SCAP: variants seen among roughly 807,000 people sequenced by gnomAD.
SCAP encodes the protein SREBF chaperone.
A neutral mutation model predicts 123.6 loss-of-function variants in SCAP; 65 were observed. The ratio of observed to expected loss-of-function variants is 0.53; its 90% CI spans 0.43 to 0.65. SCAP has a LOEUF of 0.65. Ranked by LOEUF, SCAP falls within the 30% of genes least tolerant of loss-of-function variation. SCAP has a pLI of 0.00. For synonymous variants in SCAP, 740 were observed against 726.3 expected, an observed-to-expected ratio of 1.02 and a Z score of -0.30; for missense variants, 1,398 against 1,712.5, an observed-to-expected ratio of 0.82 and a Z score of 3.24.
chr3:47,473,081 A>AAAAAAAAAAAAAAAAAAC, intron 1 of SCAP, among the ~76,000 whole-genome samples: 1 of 32,066 alleles, frequency 3.1e-5, no homozygotes, highest in African/African-American at 8.2e-5. Flanking sequence ...ACTCCATCTC[A>AAAAAAAAAAAAAAAAAAC]AAAAAAAAAA....
intron 2 of SCAP, among the ~76,000 whole-genome samples, chr3:47,442,118 C>A (rs1706831631): frequency 6.6e-6 from 1 of 152,102 alleles, no homozygotes; most frequent in African/African-American, 2.4e-5. Flanking sequence ...GCACTGAAAA[C>A]ATCTATAAAT....
At chr3:47,444,117 A>G (rs995011710) in intron 1 of SCAP, among the ~76,000 whole-genome samples, 2 of 152,222 alleles carry the variant, frequency 1.3e-5, no homozygotes, top group Non-Finnish European at 2.9e-5. Flanking sequence ...TTTCAAACAA[A>G]TAACATTAAA....
chr3:47,471,261 G>T (rs1314225538), intron 1 of SCAP, among the ~76,000 whole-genome samples: 2 of 151,986 alleles, frequency 1.3e-5, no homozygotes, highest in Admixed American at 1.3e-4. Flanking sequence ...AATAAAATAA[G>T]AATAAGAACA....
At chr3:47,470,810 C>T (rs1359012377) in intron 1 of SCAP, among the ~76,000 whole-genome samples, 4 of 152,130 alleles carry the variant, frequency 2.6e-5, no homozygotes, top group African/African-American at 9.6e-5. Context: ...TGCAGTGAGC[C>T]GAGATCGCAC....
At chr3:47,437,775 T>C (rs1706642853) in intron 2 of SCAP, among the ~76,000 whole-genome samples, 3 of 152,086 alleles carry the variant, frequency 2.0e-5, no homozygotes, top group Admixed American at 2.0e-4. Flanking sequence ...TGGATAATTG[T>C]TTTTAATTAA....
chr3:47,417,439 G>T lies in SCAP; in HGVS notation c.2835C>A (p.Ala945=), dbSNP rs1705639492. The change falls in exon 17 of 23, where the codon GCC becomes GCA. Residue 945 remains alanine, a synonymous_variant. Coordinates refer to ENST00000265565, the MANE Select transcript of SCAP (RefSeq NM_012235.4). The part of the protein sequence containing the change: ...PPSPGPVLSQ[A]PEDEGGSPEK... ...CGGGGGAGCCACCCTCGTCCTCAGG[G>T]GCCTGGGACAGCACCGGCCCAGGCG... 6.4e-7 allele frequency: 1 copy of T among 1,556,236 alleles called. No individual in the cohort carries two copies. Among genetic ancestry groups the T allele is most frequent in the Non-Finnish European group, 8.7e-7 (1 of 1,151,210 alleles).
In SCAP at chr3:47,424,048, G is replaced by A. The variant is rs1229506259; in HGVS notation, c.1038-3C>T. On this transcript the variant is annotated splice_polypyrimidine_tract_variant and splice_region_variant and intron_variant, in intron 8 of 22. Coordinates refer to ENST00000265565, the MANE Select transcript of SCAP (RefSeq NM_012235.4). Reference sequence around the variant, plus strand: ...CCACAAGGTAGGGGAAAATCTCGCTGGGGACAGAGAAGGAGAAGGTGAGGA... The same window carrying A: ...CCACAAGGTAGGGGAAAATCTCGCTAGGGACAGAGAAGGAGAAGGTGAGGA... 6.2e-7 allele frequency: 1 copy of A among 1,608,494 alleles called. No individual in the cohort carries two copies. Among genetic ancestry groups the A allele is most frequent in the Non-Finnish European group, 8.5e-7 (1 of 1,174,838 alleles).
At chr3:47,425,391 A>T in intron 8 of SCAP, 94 bp downstream of exon 8, 1 of 1,382,332 alleles carries the variant, frequency 7.2e-7, no homozygotes, top group Non-Finnish European at 9.8e-7. Context: ...ACGTGAGGTC[A>T]CAGCAAAGTC....
rs1705569746 is a variant in SCAP at position 47,416,357 on chromosome 3, A to G, written c.3056+765T>C. ...AGCCAACAGGCTTGCTGAGGAGGCC[A>G]AGCACGACAGAGGCAGGGAGAGCAG... On this transcript the variant is annotated intron_variant, in intron 18 of 22. Transcript: ENST00000265565. 2.0e-5 allele frequency among the ~76,000 whole-genome samples: 3 copies of G among 152,236 alleles called. 1 individual carries two copies. The South Asian group carries it at 6.2e-4, about 32-fold the overall frequency.
At position 47,449,208 on chromosome 3, in the gene SCAP, T is replaced by C. The variant is rs1361977583; in HGVS notation, c.-98-6117A>G. Among the ~76,000 whole-genome samples the C allele has an allele frequency of 1.0e-4, 6 of 59,564 alleles. 2 individuals carry two copies. Among genetic ancestry groups the C allele is most frequent in the African/African-American group, 2.8e-4 (6 of 21,178 alleles). The allele number at this position is 59,564 out of a possible 152,430, so 39.1% of individuals were successfully genotyped here. ...TTAGGGTCAGATGCACGTATGTTAG[T>C]TCTGAGGAACAGCCCAAGAGTTCAT... On this transcript the variant is annotated intron_variant, in intron 1 of 22. Transcript: ENST00000265565.
Position 47,417,170 on chromosome 3 carries a change from C to T in SCAP, c.3008G>A (p.Ser1003Asn). 6.2e-7 allele frequency: 1 copy of T among 1,613,092 alleles called. No homozygotes were observed. The highest frequency in any genetic ancestry group is 8.5e-7 in the Non-Finnish European group (1 of 1,180,010). ...DAIEGVLCCSSEEVSSGITAL... is the reference protein window; with the variant it reads ...DAIEGVLCCSNEEVSSGITAL... ...GGTAATGCCTGAGGAGACCTCCTCG[C>T]TGCTGCAGCACAGCACCCCTTCAAT... The change falls in exon 18 of 23, where the codon AGC (serine) becomes AAC (asparagine). Residue 1003 changes from serine (S) to asparagine (N), a missense_variant. Ser to Asn is a conservative substitution (Grantham distance 46). Transcript: ENST00000265565.
At chr3:47,466,597 C>T (rs531822651) in intron 1 of SCAP, among the ~76,000 whole-genome samples, 14 of 152,116 alleles carry the variant, frequency 9.2e-5, no homozygotes, top group East Asian at 5.8e-4. Flanking sequence ...GATAGTTACA[C>T]GCAAAAGTGA....
intron 4 of SCAP, 93 bp from the exon 5 acceptor site, chr3:47,427,760 GC>G: frequency 9.0e-7 from 1 of 1,117,222 alleles, no homozygotes; most frequent in Non-Finnish European, 1.3e-6. Context: ...GTTCTTCAAT[GC>G]CCCATATTTG....
At chr3:47,455,457 T>C (rs573269861) in intron 1 of SCAP, among the ~76,000 whole-genome samples, 1 of 151,424 alleles carries the variant, frequency 6.6e-6, no homozygotes, top group African/African-American at 2.4e-5. Context: ...TAGCTGGGCA[T>C]TGTGGCACGT....
At position 47,432,314 on chromosome 3, in the gene SCAP, GAAAAAAAA is replaced by G. The variant is rs11308011; in HGVS notation, c.252+2686_252+2693del. Among the ~76,000 whole-genome samples the G allele has an allele frequency of 4.1e-4, 31 of 75,702 alleles. No homozygotes were observed. In the Admixed American group the frequency reaches 4.9e-3, roughly 12 times the overall value. 49.7% of individuals were successfully genotyped at this position (75,702 alleles called of 152,430 possible). On this transcript the variant is annotated intron_variant, in intron 3 of 22. Transcript: ENST00000265565. ...CCTAGCGAAAGCAAGACTCCGTCTT[GAAAAAAAA>G]AAAAAAAAAAGAAAAGAAAAAGGAA...
chr3:47,426,203 T>C (rs371384098), intron 6 of SCAP, 34 bp from the exon 7 acceptor site: 2 of 1,598,794 alleles, frequency 1.3e-6, no homozygotes, highest in Admixed American at 1.8e-5. Context: ...TAAATGGAAG[T>C]GTTGCTCTTG....
Position 47,419,627 on chromosome 3 carries a change from C to G in SCAP, c.1641G>C (p.Val547=), listed in dbSNP as rs760527333. The G allele has an allele frequency of 2.5e-6, 4 of 1,583,262 alleles. No individual in the cohort carries two copies. The highest frequency in any genetic ancestry group is 3.4e-6 in the Non-Finnish European group (4 of 1,163,334). The change falls in exon 13 of 23, where the codon GTG becomes GTC. Residue 547 remains valine, a synonymous_variant. Coordinates refer to ENST00000265565, the MANE Select transcript of SCAP (RefSeq NM_012235.4). The surrounding 1 kb of genome is among the most constrained non-coding windows in gnomAD (Gnocchi z 5.0). Reference sequence around the variant, plus strand: ...CCTCACCCAATGGGCTCTGTTCCGTCACCTGGGCAGCGAGGTAGTTGCGCA... The same window carrying G: ...CCTCACCCAATGGGCTCTGTTCCGTGACCTGGGCAGCGAGGTAGTTGCGCA... ...AGLRNYLAAQ[V]TEQSPLGEGA... is the part of the protein sequence containing the mutation.
At chr3:47,442,260 C>T (rs1170728559) in intron 2 of SCAP, among the ~76,000 whole-genome samples, 3 of 152,162 alleles carry the variant, frequency 2.0e-5, no homozygotes, top group Non-Finnish European at 4.4e-5. Context: ...TCCTCCTTTA[C>T]GACGTCATTG....
chr3:47,418,471 G>GAGC lies in SCAP; in HGVS notation c.2178_2180dup (p.Leu727dup), dbSNP rs766906645. 7.6e-5 allele frequency: 122 copies of GAGC among 1,600,306 alleles called. No homozygotes were observed. Among genetic ancestry groups the GAGC allele is most frequent in the Non-Finnish European group, 9.7e-5 (114 of 1,175,602 alleles). On this transcript the variant is annotated inframe_insertion, in exon 15 of 23. Coordinates refer to ENST00000265565, the MANE Select transcript of SCAP (RefSeq NM_012235.4). ...GCGGGCATAGCACGCGGTAGAGGCAGAGCAGCAGCAGCACCAAGACGATGC... is the reference window on the plus strand; with the variant it reads ...GCGGGCATAGCACGCGGTAGAGGCAGAGCAGCAGCAGCAGCACCAAGACGATGC...
Sources: allele counts gnomAD v4.1 joint callset (sites outside exome capture counted in the v4.1 genomes callset), GRCh38; gene constraint gnomAD v4.1.1; non-coding constraint Gnocchi (gnomAD v3.1); transcripts MANE v1.5; gene names NCBI Gene and HGNC (gene_info 2026-07-23, HGNC 2026-07-21).